EPS15: variants seen among roughly 807,000 people sequenced by gnomAD.
EPS15 encodes the protein epidermal growth factor receptor substrate 15.
EPS15 carries 72 observed loss-of-function variants against 113.8 expected under a neutral mutation model. The observed-to-expected ratio is 0.63, with a 90% CI of 0.52 to 0.77. The LOEUF is 0.77. Ranked by LOEUF, EPS15 falls within the 30% of genes least tolerant of loss-of-function variation. EPS15 has a pLI of 0.00. For synonymous variants in EPS15, 344 were observed against 363.4 expected (o/e 0.95, Z 0.61); for missense variants, 1,048 against 1,045.8 (o/e 1.00, Z -0.03).
chr1:51,447,151 CT>C, intron 9 of EPS15, 46 bp from the exon 10 acceptor site: 1 of 1,530,726 alleles, frequency 6.5e-7, no homozygotes, highest in Non-Finnish European at 8.8e-7. Context: ...ATGAAACAAA[CT>C]TTGAAGTGTC....
rs142672039 is a variant in EPS15 at position 51,415,568 on chromosome 1, T to C, written c.1114-5872A>G. On this transcript the variant is annotated intron_variant, in intron 13 of 24. Coordinates refer to ENST00000371733, the MANE Select transcript of EPS15 (RefSeq NM_001981.3). ...TCTCAGCACTTTGGGAGGCTGAGGC[T>C]GGAAGATCACCTGAGGTCAGAAGTT... Among the ~76,000 whole-genome samples, 126 of 151,598 alleles carry C rather than the reference T, an allele frequency of 8.3e-4. 2 individuals are homozygous for C. The East Asian group carries it at 0.023, about 27-fold the overall frequency.
intron 8 of EPS15, among the ~76,000 whole-genome samples, chr1:51,448,422 C>T (rs1350892336): frequency 6.6e-6 from 1 of 151,704 alleles, no homozygotes; most frequent in African/African-American, 2.4e-5. Context: ...TTTGAGAAGA[C>T]AACATATGCA....
intron 4 of EPS15, 80 bp downstream of exon 4, chr1:51,471,610 C>CA: frequency 8.5e-7 from 1 of 1,172,604 alleles, no homozygotes; most frequent in South Asian, 1.3e-5. Context: ...TTCTTGGCTT[C>CA]AAAATACAAG....
intron 22 of EPS15, 132 bp from the exon 23 acceptor site, chr1:51,364,160 C>A: frequency 1.4e-6 from 1 of 695,762 alleles, no homozygotes; most frequent in Non-Finnish European, 2.1e-6. Flanking sequence ...AAATTTTAAC[C>A]TTTGCATTCA....
intron 1 of EPS15, among the ~76,000 whole-genome samples, chr1:51,493,102 C>G (rs1030192238): frequency 1.3e-5 from 2 of 152,216 alleles, no homozygotes; most frequent in African/African-American, 4.8e-5. Flanking sequence ...TGGCTCACGC[C>G]TGTAATCCCA....
intron 21 of EPS15, among the ~76,000 whole-genome samples, chr1:51,381,775 AAC>A (rs1175161294): frequency 6.6e-6 from 1 of 152,156 alleles, no homozygotes; most frequent in Non-Finnish European, 1.5e-5. Flanking sequence ...TGAAAATGGA[AAC>A]ACAGCATTAC....
At chr1:51,362,700 G>GA (rs1273331576) in intron 23 of EPS15, among the ~76,000 whole-genome samples, 1 of 151,288 alleles carries the variant, frequency 6.6e-6, no homozygotes, top group Non-Finnish European at 1.5e-5. Flanking sequence ...TTCAGTCAAA[G>GA]AAAAAAAACC....
At chr1:51,372,241 C>T in intron 21 of EPS15, 1 of 477,072 alleles carries the variant, frequency 2.1e-6, no homozygotes, top group East Asian at 6.7e-5. Flanking sequence ...GGGAGCTAGG[C>T]CTAGTGGGCG....
chr1:51,405,993 C>T lies in EPS15; in HGVS notation c.1589G>A (p.Ser530Asn). The T allele has an allele frequency of 6.2e-7, 1 of 1,614,170 alleles. No individual in the cohort carries two copies. The highest frequency in any genetic ancestry group is 8.5e-7 in the Non-Finnish European group (1 of 1,180,038). ...VNGATDYCSL[S>N]TSSSETANLN... ...GTTGGCTGTTTCACTGCTGCTGGTG[C>T]TGAGGCTGCAATAATCTGTAGCTCC... The change falls in exon 16 of 25, where the codon AGC becomes AAC. Residue 530 changes from serine to asparagine, a missense_variant. By Grantham distance (46) the Ser-to-Asn change is conservative (BLOSUM62 1). Coordinates refer to ENST00000371733, the MANE Select transcript of EPS15 (RefSeq NM_001981.3).
chr1:51,396,046 G>C (rs1425702649), intron 20 of EPS15, among the ~76,000 whole-genome samples: 1 of 152,076 alleles, frequency 6.6e-6, no homozygotes, highest in African/African-American at 2.4e-5. Context: ...AAAACTACTA[G>C]CAGAAAGAAT....
At chr1:51,386,175 G>A (rs1174044120) in intron 21 of EPS15, among the ~76,000 whole-genome samples, 1 of 152,138 alleles carries the variant, frequency 6.6e-6, no homozygotes, top group Non-Finnish European at 1.5e-5. Flanking sequence ...ATACGCCCAG[G>A]CATATTTTCA....
At chr1:51,385,536 T>C (rs1647043108) in intron 21 of EPS15, among the ~76,000 whole-genome samples, 2 of 152,178 alleles carry the variant, frequency 1.3e-5, no homozygotes, top group South Asian at 2.1e-4. Context: ...TACCATATGA[T>C]CCAGCAATTC....
At chr1:51,406,192 C>T (rs1056569734) in intron 15 of EPS15, 84 bp from the exon 16 acceptor site, 41 of 1,158,330 alleles carry the variant, frequency 3.5e-5, no homozygotes, top group South Asian at 1.3e-4. Context: ...CACTTCCTGA[C>T]GGGCTAGGTG....
chr1:51,428,102 GAAAA>G (rs375803779), intron 12 of EPS15, among the ~76,000 whole-genome samples: 2 of 147,718 alleles, frequency 1.4e-5, no homozygotes, highest in East Asian at 3.9e-4. Context: ...GTGCTGGAAG[GAAAA>G]AAAAAACCTG....
chr1:51,470,876 A>G (rs1224733005), intron 4 of EPS15, among the ~76,000 whole-genome samples: 2 of 152,182 alleles, frequency 1.3e-5, no homozygotes, highest in African/African-American at 4.8e-5. Flanking sequence ...GGTACTCAAC[A>G]AATATTTGCT....
intron 1 of EPS15, 92 bp from the exon 2 acceptor site, chr1:51,481,406 G>C: frequency 1.4e-6 from 1 of 699,298 alleles, no homozygotes; most frequent in Non-Finnish European, 2.6e-6. Context: ...GAGAAACAAA[G>C]ATGAATAAGA....
chr1:51,394,594 T>G lies in EPS15; in HGVS notation c.2053-147A>C, dbSNP rs559446079. The G allele has an allele frequency of 4.7e-5, 22 of 465,088 alleles. No homozygotes were observed. In the Middle Eastern group the frequency reaches 2.1e-3, roughly 44 times the overall value. 28.8% of individuals were successfully genotyped at this position (465,088 alleles called of 1,614,324 possible). On this transcript the variant is annotated intron_variant, in intron 20 of 24. Transcript: ENST00000371733. ...GAACAAATGTTTCCCCATAGTGATC[T>G]GCAATCTTACTAACTGGAAATAATA...
At chr1:51,433,707 G>A (rs992027893) in intron 12 of EPS15, among the ~76,000 whole-genome samples, 15 of 152,148 alleles carry the variant, frequency 9.9e-5, no homozygotes, top group Non-Finnish European at 4.4e-5. Flanking sequence ...ACATAAAGAA[G>A]GCACAGTACA....
chr1:51,429,009 A>C (rs2148459382), intron 12 of EPS15, among the ~76,000 whole-genome samples: 1 of 152,174 alleles, frequency 6.6e-6, no homozygotes, highest in East Asian at 1.9e-4. Flanking sequence ...CTCCCGCCTC[A>C]GCCTCTCAAG....
Sources: allele counts gnomAD v4.1 joint callset (sites outside exome capture counted in the v4.1 genomes callset), GRCh38; gene constraint gnomAD v4.1.1; transcripts MANE v1.5; gene names NCBI Gene and HGNC (gene_info 2026-07-23, HGNC 2026-07-21).